MAF: variants seen among roughly 807,000 people sequenced by gnomAD.
MAF encodes transcription factor Maf.
Under a neutral mutation model 22.0 loss-of-function variants are expected in MAF, and 10 were observed. The observed-to-expected ratio is 0.45, with a 90% confidence interval of 0.28 to 0.77. MAF has a LOEUF of 0.77. Among genes scored for constraint, MAF ranks in the 30% least tolerant of loss-of-function variants. The pLI, the probability that MAF is intolerant of heterozygous loss-of-function variation, is 0.12. For synonymous variants in MAF, 337 were observed against 255.8 expected, an observed-to-expected ratio of 1.32 and a Z score of -3.03; for missense variants, 544 against 548.4, an observed-to-expected ratio of 0.99 and a Z score of 0.08.
chr16:79,211,816 G>A, the MAF span: 15 of 1,613,752 alleles, frequency 9.3e-6, no homozygotes, highest in East Asian at 1.3e-4. Context: ...AGAGCGGATG[G>A]GCACACACAC....
At chr16:79,435,196 A>G in the MAF span, among the ~76,000 whole-genome samples, 1 of 152,154 alleles carries the variant, frequency 6.6e-6, no homozygotes, top group Non-Finnish European at 1.5e-5. Flanking sequence ...ATACACACAC[A>G]GCTGTACACA....
At chr16:79,413,430 A>G in the MAF span, among the ~76,000 whole-genome samples, 1 of 146,696 alleles carries the variant, frequency 6.8e-6, no homozygotes, top group African/African-American at 2.5e-5. Flanking sequence ...TATTTTTAGT[A>G]GAGACGGGGT....
the MAF span, among the ~76,000 whole-genome samples, chr16:79,435,677 A>C: frequency 6.6e-6 from 1 of 152,082 alleles, no homozygotes; most frequent in Non-Finnish European, 1.5e-5. Context: ...GTTCTCCCCA[A>C]ATTCATCTTT....
the MAF span, among the ~76,000 whole-genome samples, chr16:79,436,483 G>C: frequency 6.6e-6 from 1 of 152,178 alleles, no homozygotes; most frequent in African/African-American, 2.4e-5. Flanking sequence ...TAACACTGCC[G>C]ATGACCCATT....
At chr16:79,286,067 G>C in the MAF span, among the ~76,000 whole-genome samples, 1 of 152,164 alleles carries the variant, frequency 6.6e-6, no homozygotes, top group Non-Finnish European at 1.5e-5. Flanking sequence ...TACCTAATAA[G>C]TTTATTGAGA....
At chr16:79,441,400 T>C in the MAF span, among the ~76,000 whole-genome samples, 17 of 152,202 alleles carry the variant, frequency 1.1e-4, no homozygotes, top group African/African-American at 4.1e-4. Context: ...GCTCAGATAA[T>C]AAATCTGTTT....
chr16:79,456,778 G>C, the MAF span, among the ~76,000 whole-genome samples: 1 of 152,116 alleles, frequency 6.6e-6, no homozygotes, highest in Non-Finnish European at 1.5e-5. Context: ...CAGTGAAGTG[G>C]TCTATTCCTG....
At chr16:79,395,851 T>A in the MAF span, among the ~76,000 whole-genome samples, 1 of 151,884 alleles carries the variant, frequency 6.6e-6, no homozygotes, top group Non-Finnish European at 1.5e-5. Flanking sequence ...CTGGGGATGA[T>A]GAAAGAGGAC....
chr16:79,369,709 G>A, the MAF span, among the ~76,000 whole-genome samples: 53 of 152,318 alleles, frequency 3.5e-4, no homozygotes, highest in East Asian at 7.7e-3. Flanking sequence ...CTAATGTGTA[G>A]GGCCAGAGGG....
chr16:79,596,813 T>A (rs1459769005), intron 1 of MAF: 2 of 1,049,212 alleles, frequency 1.9e-6, no homozygotes, highest in Admixed American at 5.5e-5. Context: ...AAAATCTGCA[T>A]CATCTTAAAA....
At chr16:79,522,103 C>T in the MAF span, among the ~76,000 whole-genome samples, 11 of 152,166 alleles carry the variant, frequency 7.2e-5, no homozygotes, top group African/African-American at 2.6e-4. Flanking sequence ...AGACAGCATC[C>T]TGGGGTGGAC....
chr16:79,563,323 A>T, the MAF span, among the ~76,000 whole-genome samples: 1 of 152,204 alleles, frequency 6.6e-6, no homozygotes. Flanking sequence ...TCTAGAACTA[A>T]ATTATTAATT....
chr16:79,214,622 G>A, the MAF span, among the ~76,000 whole-genome samples: 63,932 of 149,566 alleles, frequency 0.43, 15,222 homozygotes, highest in Non-Finnish European at 0.56. Context: ...GGCCAGGCTG[G>A]TCTTGAACTC....
the MAF span, among the ~76,000 whole-genome samples, chr16:79,290,022 A>C: frequency 6.6e-6 from 1 of 151,738 alleles, no homozygotes; most frequent in East Asian, 1.9e-4. Flanking sequence ...ACGCCCAACT[A>C]ATTTTTGTAT....
the MAF span, chr16:79,229,515 A>T: frequency 6.6e-6 from 1 of 152,108 alleles, no homozygotes; most frequent in Admixed American, 6.6e-5. Context: ...GACTCATAAA[A>T]GTGTCAGAAC....
chr16:79,265,458 A>G, the MAF span, among the ~76,000 whole-genome samples: 3 of 152,170 alleles, frequency 2.0e-5, no homozygotes, highest in Non-Finnish European at 4.4e-5. Context: ...AAATAAGTAC[A>G]GCAGTTCTCC....
At position 79,600,099 on chromosome 16, in the gene MAF, C is replaced by T. The variant is rs1235153666; in HGVS notation, c.-197G>A. The T allele has an allele frequency of 4.8e-6, 3 of 620,896 alleles. No individual in the cohort carries two copies. The highest frequency in any genetic ancestry group is 7.9e-6 in the Non-Finnish European group (3 of 381,374). The allele number at this position is 620,896 out of a possible 1,614,324, so 38.5% of individuals were successfully genotyped here. On this transcript the variant is annotated 5_prime_UTR_variant, in exon 1 of 2. Transcript: ENST00000326043. ...CCCCCCGCCCTGCCCGCGCCCCCCG[C>T]GCCCGCCCTCCCTCCCCCCTGCTCA... is the stretch of plus-strand genomic sequence containing the variant.
the MAF span, chr16:79,206,467 T>TACTA: frequency 2.6e-5 from 4 of 152,200 alleles, no homozygotes; most frequent in South Asian, 4.1e-4. Flanking sequence ...TAAATGGAAA[T>TACTA]ACTAACTGTC....
At chr16:79,205,840 C>G in the MAF span, 3 of 152,180 alleles carry the variant, frequency 2.0e-5, 1 homozygote, top group South Asian at 6.2e-4. Flanking sequence ...ATTTTCTCTG[C>G]AAACCTGATG....
Sources: allele counts gnomAD v4.1 joint callset (sites outside exome capture counted in the v4.1 genomes callset), GRCh38; gene constraint gnomAD v4.1.1; transcripts MANE v1.5; gene names NCBI Gene and HGNC (gene_info 2026-07-23, HGNC 2026-07-21).